The following ANKS1B variants were observed in gnomAD, a reference collection of about 807,000 sequenced individuals.
The protein encoded by ANKS1B is ankyrin repeat and sterile alpha motif domain-containing protein 1B.
In ANKS1B, 36 loss-of-function variants were observed where a neutral mutation model predicts 148.3. That is an observed-to-expected ratio of 0.24 (90% CI 0.19 to 0.32). The LOEUF (loss-of-function observed/expected upper bound fraction) is 0.32, where lower values mean the gene tolerates loss of function less well. Among genes scored for constraint, ANKS1B ranks in the 10% least tolerant of loss-of-function variants. The pLI is 1.00. For missense variants in ANKS1B, 1,157 were observed against 1,542.6 expected (o/e 0.75, Z 4.19); for synonymous variants, 542 against 560.8 (o/e 0.97, Z 0.47).
intron 8 of ANKS1B, among the ~76,000 whole-genome samples, chr12:99,734,725 T>C (rs2059461802): frequency 6.6e-6 from 1 of 152,200 alleles, no homozygotes; most frequent in South Asian, 2.1e-4. Flanking sequence ...ATCTTTACTT[T>C]TTCACCTCCA....
intron 15 of ANKS1B, among the ~76,000 whole-genome samples, chr12:99,132,142 T>C (rs997163008): frequency 6.6e-6 from 1 of 152,070 alleles, no homozygotes; most frequent in Non-Finnish European, 1.5e-5. Flanking sequence ...AATGCTGAAC[T>C]GCAACTCGTG....
chr12:99,649,933 G>T (rs1213916412), intron 9 of ANKS1B: 1 of 154,538 alleles, frequency 6.5e-6, no homozygotes. Flanking sequence ...TAGCTGGATT[G>T]ACTCTGCAGT....
intron 1 of ANKS1B, among the ~76,000 whole-genome samples, chr12:99,948,748 T>C (rs1311622214): frequency 6.6e-6 from 1 of 152,220 alleles, no homozygotes; most frequent in African/African-American, 2.4e-5. Context: ...AAATAGACGA[T>C]GTAACAGAGA....
chr12:99,899,211 A>G lies in ANKS1B; in HGVS notation c.135-73822T>C, dbSNP rs532777549. 2.6e-5 allele frequency among the ~76,000 whole-genome samples: 4 copies of G among 152,186 alleles called. No individual in the cohort carries two copies. The East Asian group carries it at 7.7e-4, about 29-fold the overall frequency. ...GCTGAAGCAACTAAGAATTTAAAAG[A>G]TCAAAAAACTTGCCCAAAGTCACAC... On this transcript the variant is annotated intron_variant, in intron 1 of 26. Transcript: ENST00000683438.
At chr12:98,784,562 T>A (rs6538885) in intron 22 of ANKS1B, among the ~76,000 whole-genome samples, 39,719 of 151,938 alleles carry the variant, frequency 0.26, 5,562 homozygotes, top group Middle Eastern at 0.34. Flanking sequence ...TGTTGCTGAT[T>A]TCATTAAGAG....
At chr12:99,560,645 T>C (rs2097324008) in intron 9 of ANKS1B, among the ~76,000 whole-genome samples, 1 of 152,104 alleles carries the variant, frequency 6.6e-6, no homozygotes, top group African/African-American at 2.4e-5. Flanking sequence ...TGCAATAGCA[T>C]TATATCTATA....
chr12:99,982,443 A>G (rs192237645), intron 1 of ANKS1B, among the ~76,000 whole-genome samples: 27 of 152,280 alleles, frequency 1.8e-4, no homozygotes, highest in Non-Finnish European at 3.5e-4. Context: ...AATAAAATTA[A>G]GTGAAATTCT....
At chr12:99,955,669 C>T (rs2095311671) in intron 1 of ANKS1B, among the ~76,000 whole-genome samples, 1 of 151,990 alleles carries the variant, frequency 6.6e-6, no homozygotes, top group Non-Finnish European at 1.5e-5. Context: ...AAAACATGAA[C>T]CAATAACTTG....
intron 19 of ANKS1B, among the ~76,000 whole-genome samples, chr12:98,825,749 T>C (rs2099244066): frequency 6.6e-6 from 1 of 152,180 alleles, no homozygotes; most frequent in Admixed American, 6.5e-5. Context: ...TACTTCGACT[T>C]CTAAATATCA....
chr12:99,740,208 A>T (rs7970797), intron 8 of ANKS1B, among the ~76,000 whole-genome samples: 1 of 151,962 alleles, frequency 6.6e-6, no homozygotes, highest in African/African-American at 2.4e-5. Flanking sequence ...CTACTTGGGA[A>T]GCTGAGGGGG....
intron 9 of ANKS1B, among the ~76,000 whole-genome samples, chr12:99,519,085 G>T (rs2096850418): frequency 6.6e-6 from 1 of 151,928 alleles, no homozygotes; most frequent in Non-Finnish European, 1.5e-5. Flanking sequence ...CAGAGAAAAT[G>T]CTTAATATTA....
intron 16 of ANKS1B, among the ~76,000 whole-genome samples, chr12:99,060,700 C>T (rs61246644): frequency 0.21 from 10,641 of 50,976 alleles, 1,219 homozygotes; most frequent in African/African-American, 0.39. Context: ...CACACACACA[C>T]ATATATATAG....
At chr12:99,300,810 G>T (rs1430470045) in intron 12 of ANKS1B, among the ~76,000 whole-genome samples, 1 of 152,150 alleles carries the variant, frequency 6.6e-6, no homozygotes, top group Non-Finnish European at 1.5e-5. Context: ...AGTTTAGGTA[G>T]TATTTTGATG....
intron 17 of ANKS1B, among the ~76,000 whole-genome samples, chr12:98,898,819 T>C (rs938408702): frequency 6.6e-6 from 1 of 152,200 alleles, no homozygotes; most frequent in African/African-American, 2.4e-5. Flanking sequence ...AAAACTCTTA[T>C]GGTACCAATT....
chr12:99,834,896 C>G (rs1023604861), intron 1 of ANKS1B, among the ~76,000 whole-genome samples: 1 of 152,208 alleles, frequency 6.6e-6, no homozygotes, highest in Non-Finnish European at 1.5e-5. Flanking sequence ...GAATGGTCTT[C>G]TGACAGATCA....
chr12:98,991,173 G>C (rs1426904584), intron 17 of ANKS1B, among the ~76,000 whole-genome samples: 1 of 152,078 alleles, frequency 6.6e-6, no homozygotes, highest in African/African-American at 2.4e-5. Context: ...CAAAATTATG[G>C]GAGGCATTAC....
intron 9 of ANKS1B, among the ~76,000 whole-genome samples, chr12:99,654,383 T>G (rs2098439990): frequency 6.6e-6 from 1 of 152,238 alleles, no homozygotes; most frequent in Admixed American, 6.5e-5. Context: ...CTTAACATTA[T>G]ACCCTTTCAT....
chr12:99,523,414 A>C (rs755585564), intron 9 of ANKS1B, among the ~76,000 whole-genome samples: 2 of 152,226 alleles, frequency 1.3e-5, no homozygotes, highest in Non-Finnish European at 2.9e-5. Context: ...GGGAGATGGT[A>C]ACAGGGACAG....
At chr12:99,137,071 T>C (rs891314111) in intron 15 of ANKS1B, among the ~76,000 whole-genome samples, 12 of 152,206 alleles carry the variant, frequency 7.9e-5, no homozygotes, top group Admixed American at 6.5e-4. Flanking sequence ...TATTTAGTGC[T>C]GTCATTGTCT....
Sources: allele counts gnomAD v4.1 joint callset (sites outside exome capture counted in the v4.1 genomes callset), GRCh38; gene constraint gnomAD v4.1.1; transcripts MANE v1.5; gene names NCBI Gene and HGNC (gene_info 2026-07-23, HGNC 2026-07-21).